TMEM276: variants seen among roughly 807,000 people sequenced by gnomAD.
TMEM276 encodes the protein transmembrane protein 276.
chr8:144,466,738 G>T, the TMEM276 span: 2 of 1,509,122 alleles, frequency 1.3e-6, no homozygotes, highest in Non-Finnish European at 1.8e-6. Context: ...CCTCCTCAGG[G>T]GCGCCCCTGC....
the TMEM276 span, chr8:144,465,031 C>T: frequency 2.6e-6 from 4 of 1,535,732 alleles, no homozygotes; most frequent in Admixed American, 2.0e-5. Context: ...TTCCAGGTCC[C>T]CATTACTGGA....
At chr8:144,464,674 G>C in the TMEM276 span, 8 of 1,572,236 alleles carry the variant, frequency 5.1e-6, no homozygotes, top group African/African-American at 9.5e-5. Context: ...CTTTTAAACA[G>C]GAAAGGGTTT....
the TMEM276 span, chr8:144,464,163 G>A: frequency 6.2e-7 from 1 of 1,612,854 alleles, no homozygotes; most frequent in Non-Finnish European, 8.5e-7. Context: ...GCAGGGCCCG[G>A]CAGTAAGCCC....
At chr8:144,466,416 TC>T in the TMEM276 span, 1 of 1,292,184 alleles carries the variant, frequency 7.7e-7, no homozygotes, top group South Asian at 1.9e-5. Context: ...CGCCCCGCGC[TC>T]CCATGTACGC....
At chr8:144,465,149 G>A in the TMEM276 span, 6 of 1,419,766 alleles carry the variant, frequency 4.2e-6, no homozygotes, top group South Asian at 5.5e-5. Context: ...AACGACTCAG[G>A]GTCTAAGCTG....
At chr8:144,464,231 T>C in the TMEM276 span, 1 of 1,612,974 alleles carries the variant, frequency 6.2e-7, no homozygotes, top group Non-Finnish European at 8.5e-7. Flanking sequence ...AGCAGCAGCC[T>C]GTCCTCCTCC....
the TMEM276 span, chr8:144,466,576 C>T: frequency 1.0e-6 from 1 of 994,630 alleles, no homozygotes; most frequent in East Asian, 3.4e-5. Flanking sequence ...ACCCCCACGC[C>T]GAGGTTCCCG....
At chr8:144,464,840 A>C in the TMEM276 span, 21 of 1,612,680 alleles carry the variant, frequency 1.3e-5, no homozygotes, top group Non-Finnish European at 1.4e-5. Flanking sequence ...GTGCAGAGAC[A>C]CCACTCCCAG....
the TMEM276 span, chr8:144,466,747 GC>G: frequency 1.3e-6 from 2 of 1,521,504 alleles, no homozygotes; most frequent in Non-Finnish European, 1.8e-6. Flanking sequence ...GGGCGCCCCT[GC>G]CCCCTCCCTA....
the TMEM276 span, chr8:144,464,396 C>G: frequency 6.2e-7 from 1 of 1,611,950 alleles, no homozygotes; most frequent in Non-Finnish European, 8.5e-7. Flanking sequence ...AGGTGGCCGC[C>G]AGCCACTGCC....
At chr8:144,464,170 G>A in the TMEM276 span, 144 of 1,612,856 alleles carry the variant, frequency 8.9e-5, no homozygotes, top group Non-Finnish European at 1.2e-4. Context: ...CCGGCAGTAA[G>A]CCCAGCTGCC....
At chr8:144,464,305 G>A in the TMEM276 span, 11 of 1,613,138 alleles carry the variant, frequency 6.8e-6, no homozygotes, top group South Asian at 3.3e-5. Flanking sequence ...AGTGTTGGCC[G>A]TGAAGACAGC....
At chr8:144,464,499 G>C in the TMEM276 span, 2 of 1,612,326 alleles carry the variant, frequency 1.2e-6, no homozygotes, top group Non-Finnish European at 8.5e-7. Flanking sequence ...GGCCGATGAC[G>C]GTGGCCACCC....
the TMEM276 span, chr8:144,466,805 C>T: frequency 6.5e-7 from 1 of 1,537,610 alleles, no homozygotes; most frequent in Non-Finnish European, 8.7e-7. Flanking sequence ...CCTGCCCGCG[C>T]CAGAGCTGTG....
chr8:144,465,027 G>T, the TMEM276 span: 265 of 1,536,212 alleles, frequency 1.7e-4, no homozygotes, highest in African/African-American at 2.9e-3. Flanking sequence ...CAGGTTCCAG[G>T]TCCCCATTAC....
the TMEM276 span, chr8:144,466,758 A>G: frequency 6.5e-7 from 1 of 1,529,410 alleles, no homozygotes; most frequent in Non-Finnish European, 8.7e-7. Context: ...CCCCCTCCCT[A>G]GAGAGCCCGC....
At chr8:144,465,515 G>T in the TMEM276 span, 1 of 880,814 alleles carries the variant, frequency 1.1e-6, no homozygotes, top group Non-Finnish European at 1.4e-6. Context: ...GAGCGGCCGG[G>T]CGGGGCTAGA....
At chr8:144,465,524 G>T in the TMEM276 span, 1 of 752,424 alleles carries the variant, frequency 1.3e-6, no homozygotes, top group Non-Finnish European at 1.6e-6. Context: ...GGCGGGGCTA[G>T]AGCGGCTGGG....
chr8:144,463,993 CT>C, the TMEM276 span: 7 of 1,516,642 alleles, frequency 4.6e-6, no homozygotes, highest in Non-Finnish European at 5.3e-6. Context: ...GACTCTGCCC[CT>C]GACCAGTCAA....
Sources: allele counts gnomAD v4.1 joint callset, GRCh38; gene constraint gnomAD v4.1.1; transcripts MANE v1.5; gene names NCBI Gene and HGNC (gene_info 2026-07-23, HGNC 2026-07-21).